TOGARAM1: variants seen among roughly 807,000 people sequenced by gnomAD.
TOGARAM1 encodes the protein TOG array regulator of axonemal microtubules protein 1.
In TOGARAM1, 100 loss-of-function variants were observed where a neutral mutation model predicts 166.6. The ratio of observed to expected loss-of-function variants is 0.60; its 90% CI spans 0.51 to 0.71. TOGARAM1 has a LOEUF of 0.71. TOGARAM1 is among the 30% of genes least tolerant of loss of function. TOGARAM1 has a pLI of 0.00. For synonymous variants in TOGARAM1, 758 were observed against 763.8 expected, an observed-to-expected ratio of 0.99 and a Z score of 0.13; for missense variants, 2,029 against 2,102.7, an observed-to-expected ratio of 0.96 and a Z score of 0.69.
chr14:45,035,544 A>G (rs908895768), intron 11 of TOGARAM1, among the ~76,000 whole-genome samples: 2 of 152,196 alleles, frequency 1.3e-5, no homozygotes, highest in African/African-American at 2.4e-5. Flanking sequence ...GATGAAAACT[A>G]TAAACCCAAA....
rs758492313 is a variant in TOGARAM1 at position 44,980,282 on chromosome 14, G to GA, written c.2047-15456dup. On this transcript the variant is annotated intron_variant, in intron 1 of 19. Coordinates refer to ENST00000361462, the MANE Select transcript of TOGARAM1 (RefSeq NM_001308120.2). ...AGTGACATTAAATACAAAATTTCCAGAAAAAAAATCATGAATATTTCAATT... is the reference window on the plus strand; with the variant it reads ...AGTGACATTAAATACAAAATTTCCAGAAAAAAAAATCATGAATATTTCAATT... 2.5e-4 allele frequency among the ~76,000 whole-genome samples: 38 copies of GA among 151,734 alleles called. 1 individual carries two copies. The highest frequency in any genetic ancestry group is 2.2e-3 in the Admixed American group (33 of 15,198).
intron 1 of TOGARAM1, among the ~76,000 whole-genome samples, chr14:44,994,122 T>G (rs1315293014): frequency 1.3e-5 from 2 of 152,190 alleles, no homozygotes; most frequent in Non-Finnish European, 2.9e-5. Flanking sequence ...TTCTGTTTTT[T>G]TTGAGGCAGA....
At chr14:45,064,646 GT>G (rs1566675144) in intron 16 of TOGARAM1, among the ~76,000 whole-genome samples, 1 of 151,902 alleles carries the variant, frequency 6.6e-6, no homozygotes, top group Non-Finnish European at 1.5e-5. Flanking sequence ...CACTCAGCTA[GT>G]TTTTTGTATT....
intron 16 of TOGARAM1, among the ~76,000 whole-genome samples, chr14:45,056,374 T>C (rs1882639516): frequency 6.6e-6 from 1 of 152,210 alleles, no homozygotes; most frequent in Non-Finnish European, 1.5e-5. Context: ...TTCTCTTGCA[T>C]GATTACTTTA....
In TOGARAM1 at chr14:44,962,314, G is replaced by C. The variant is rs907788643; in HGVS notation, c.-108G>C. On this transcript the variant is annotated 5_prime_UTR_variant, in exon 1 of 20. Coordinates refer to ENST00000361462, the MANE Select transcript of TOGARAM1 (RefSeq NM_001308120.2). ...GGCGGCAGGCTGAAGCTGTTCTTTT[G>C]CCTCTTCTGCAGCTTGGGGCTTGGA... is the stretch of plus-strand genomic sequence containing the variant. The C allele has an allele frequency of 2.2e-6, 3 of 1,355,400 alleles. No homozygotes were observed. The African/African-American group carries it at 4.4e-5, about 20-fold the overall frequency. 84.0% of individuals were successfully genotyped at this position (1,355,400 alleles called of 1,614,324 possible). A position where few individuals can be genotyped will look rare whatever the true frequency, so the allele number is the denominator to read the frequency against.
At chr14:45,038,405 A>C (rs533845273) in intron 11 of TOGARAM1, among the ~76,000 whole-genome samples, 1 of 152,326 alleles carries the variant, frequency 6.6e-6, no homozygotes, top group Non-Finnish European at 1.5e-5. Context: ...TGAGCCAGGC[A>C]CAGAGCGGCG....
At chr14:45,015,289 A>C (rs1161146865) in intron 7 of TOGARAM1, among the ~76,000 whole-genome samples, 1 of 151,710 alleles carries the variant, frequency 6.6e-6, no homozygotes, top group African/African-American at 2.4e-5. Flanking sequence ...TGGATGACAG[A>C]GCAAGAGCCT....
chr14:45,032,187 G>A lies in TOGARAM1; in HGVS notation c.3659-36G>A, dbSNP rs765658428. 5.1e-6 allele frequency: 8 copies of A among 1,569,822 alleles called. No homozygotes were observed. In the Admixed American group the frequency reaches 1.2e-4, roughly 24 times the overall value. Reference sequence around the variant, plus strand: ...AAAGATAAAAATTTTTTTTAAAAAGGTTCTCTCATAGTTTATTTAATGTAT... The same window carrying A: ...AAAGATAAAAATTTTTTTTAAAAAGATTCTCTCATAGTTTATTTAATGTAT... On this transcript the variant is annotated intron_variant, in intron 10 of 19. Coordinates refer to ENST00000361462, the MANE Select transcript of TOGARAM1 (RefSeq NM_001308120.2).
At chr14:44,969,247 G>C (rs1885751010) in intron 1 of TOGARAM1, among the ~76,000 whole-genome samples, 1 of 150,698 alleles carries the variant, frequency 6.6e-6, no homozygotes, top group Admixed American at 6.6e-5. Flanking sequence ...TGCCTCCCGG[G>C]ATCAAGTAAT....
Position 44,962,756 on chromosome 14 carries a change from C to A in TOGARAM1, c.335C>A (p.Ala112Asp). Reference sequence around the variant, plus strand: ...CGCACTGCCCGGGATCCTTCTGAGGCCTTCCAGGCTTTGCAAGCTGCTTTG... The same window carrying A: ...CGCACTGCCCGGGATCCTTCTGAGGACTTCCAGGCTTTGCAAGCTGCTTTG... ...LLRTARDPSEAFQALQAALPR... is the reference protein window; with the variant it reads ...LLRTARDPSEDFQALQAALPR... The change falls in exon 1 of 20, where the codon GCC (alanine) becomes GAC (aspartate). Residue 112 changes from alanine to aspartate, a missense_variant. Physicochemically the swap from Ala to Asp is moderately radical, Grantham distance 126 (BLOSUM62 -2). This residue lies in a region of TOGARAM1 where 1,453 missense variants were observed against 1,432.2 expected (regional missense o/e 1.01). Transcript: ENST00000361462. 1.2e-6 allele frequency: 2 copies of A among 1,613,424 alleles called. No individual in the cohort carries two copies. Among genetic ancestry groups the A allele is most frequent in the South Asian group, 1.1e-5 (1 of 91,080 alleles).
Position 45,004,315 on chromosome 14 carries a change from C to T in TOGARAM1, c.2593C>T (p.Gln865Ter). The T allele has an allele frequency of 6.2e-7, 1 of 1,613,952 alleles. No homozygotes were observed. Among genetic ancestry groups the T allele is most frequent in the Non-Finnish European group, 8.5e-7 (1 of 1,179,918 alleles). The change falls in exon 4 of 20, where the codon CAG (glutamine) becomes TAG (stop). Residue 865 changes from glutamine to a stop codon, truncating the protein, a stop_gained. Coordinates refer to ENST00000361462, the MANE Select transcript of TOGARAM1 (RefSeq NM_001308120.2). LOFTEE classifies it high-confidence loss of function. ...SFEGLSKPSPQKKLVSQKSSD... is the reference protein window; with the variant it reads ...SFEGLSKPSP ...CGAAGGACTATCAAAGCCAAGTCCA[C>T]AGAAGAAGCTTGTCAGCCAAAAATC... is the stretch of plus-strand genomic sequence containing the variant.
At chr14:45,038,200 C>G (rs532918431) in intron 11 of TOGARAM1, among the ~76,000 whole-genome samples, 1 of 152,146 alleles carries the variant, frequency 6.6e-6, no homozygotes, top group Non-Finnish European at 1.5e-5. Context: ...GGTCACTGCA[C>G]CTGGCCTGAA....
At chr14:45,027,751 C>T (rs566883853) in intron 9 of TOGARAM1, among the ~76,000 whole-genome samples, 1 of 151,994 alleles carries the variant, frequency 6.6e-6, no homozygotes, top group South Asian at 2.1e-4. Context: ...TGCCTATGGG[C>T]CCAGCTACTT....
At chr14:45,064,086 C>G (rs954832191) in intron 16 of TOGARAM1, among the ~76,000 whole-genome samples, 1 of 152,104 alleles carries the variant, frequency 6.6e-6, no homozygotes, top group Non-Finnish European at 1.5e-5. Context: ...GACCCCCACC[C>G]CCCGCTCTGG....
chr14:45,041,277 T>C (rs1290118923), intron 11 of TOGARAM1, among the ~76,000 whole-genome samples: 1 of 151,896 alleles, frequency 6.6e-6, no homozygotes, highest in Non-Finnish European at 1.5e-5. Flanking sequence ...GGCACATGCC[T>C]GTAATCCCAG....
At chr14:45,003,567 A>G (rs1887786585) in intron 3 of TOGARAM1, among the ~76,000 whole-genome samples, 1 of 152,150 alleles carries the variant, frequency 6.6e-6, no homozygotes, top group African/African-American at 2.4e-5. Context: ...TAAGAGCATT[A>G]CCTAAAATAC....
In TOGARAM1 at chr14:45,006,086, A is replaced by G; in HGVS notation, c.2723A>G (p.Asn908Ser). The G allele has an allele frequency of 6.2e-7, 1 of 1,613,780 alleles. No individual in the cohort carries two copies. Among genetic ancestry groups the G allele is most frequent in the Non-Finnish European group, 8.5e-7 (1 of 1,179,764 alleles). The change falls in exon 5 of 20, where the codon AAT (asparagine) becomes AGT (serine). Residue 908 changes from asparagine (N) to serine (S), a missense_variant. By Grantham distance (46) the Asn-to-Ser change is conservative. Around this residue, in one of 2 missense-constraint regions of TOGARAM1, gnomAD observed 1,453 missense variants for 1,432.2 expected, o/e 1.01. Transcript: ENST00000361462. Reference protein sequence around the residue: ...VRSPSSRRGLNGTKPVPPIPR... With the variant: ...VRSPSSRRGLSGTKPVPPIPR... Reference sequence around the variant, plus strand: ...TCGCCATCTTCCCGACGAGGTCTAAATGGGACAAAGCCTGTTCCTCCCATA... The same window carrying G: ...TCGCCATCTTCCCGACGAGGTCTAAGTGGGACAAAGCCTGTTCCTCCCATA...
Position 45,038,430 on chromosome 14 carries a change from A to G in TOGARAM1, c.3813-5256A>G, listed in dbSNP as rs144127570. ...ACAGAGCGGCGAGGGGTGCATGAGC[A>G]TGGGGTCCGGCCACTGCACACAGCC... On this transcript the variant is annotated intron_variant, in intron 11 of 19. Coordinates refer to ENST00000361462, the MANE Select transcript of TOGARAM1 (RefSeq NM_001308120.2). 4.7e-3 allele frequency among the ~76,000 whole-genome samples: 709 copies of G among 152,318 alleles called. 5 individuals carry two copies. Among genetic ancestry groups the G allele is most frequent in the Non-Finnish European group, 8.0e-3 (542 of 68,010 alleles).
rs1201488751 is a variant in TOGARAM1 at position 45,004,265 on chromosome 14, C to A, written c.2543C>A (p.Ser848Ter). Residue 848 changes from serine (S) to a stop codon, truncating the protein, a stop_gained, in exon 4 of 20, where the codon TCA (serine) becomes TAA (stop). Coordinates refer to ENST00000361462, the MANE Select transcript of TOGARAM1 (RefSeq NM_001308120.2). LOFTEE classifies it high-confidence loss of function. ...KKSQDNSVNFSNSWPLKSFEG... is the reference protein window; with the variant it reads ...KKSQDNSVNF ...TCTCAAGATAATTCTGTTAATTTCTCAAATTCCTGGCCTCTTAAAAGCTTC... is the reference window on the plus strand; with the variant it reads ...TCTCAAGATAATTCTGTTAATTTCTAAAATTCCTGGCCTCTTAAAAGCTTC... 6.2e-7 allele frequency: 1 copy of A among 1,613,994 alleles called. No individual in the cohort carries two copies. Among genetic ancestry groups the A allele is most frequent in the Admixed American group, 1.7e-5 (1 of 59,994 alleles).
Sources: allele counts gnomAD v4.1 joint callset (sites outside exome capture counted in the v4.1 genomes callset), GRCh38; gene constraint gnomAD v4.1.1; regional missense constraint gnomAD v4.1.1; transcripts MANE v1.5; gene names NCBI Gene and HGNC (gene_info 2026-07-23, HGNC 2026-07-21).